Variants in TBC1D1 observed in about 807,000 individuals in gnomAD.
TBC1D1 encodes the protein TBC1 (tre-2/USP6, BUB2, cdc16) domain family, member 1.
TBC1D1 carries 89 observed loss-of-function variants against 125.6 expected under a neutral mutation model. The ratio of observed to expected loss-of-function variants is 0.71; its 90% confidence interval spans 0.60 to 0.85. TBC1D1 has a LOEUF of 0.85. Ranked by LOEUF, TBC1D1 falls within the 40% of genes least tolerant of loss-of-function variation. The pLI, the probability that TBC1D1 is intolerant of heterozygous loss-of-function variation, is 0.00. For synonymous variants in TBC1D1, 565 were observed against 564.1 expected, an observed-to-expected ratio of 1.00 and a Z score of -0.02; for missense variants, 1,377 against 1,469.2, an observed-to-expected ratio of 0.94 and a Z score of 1.03.
rs138129711 is a variant in TBC1D1 at position 38,060,303 on chromosome 4, C to T, written c.2050+5965C>T. 1.6e-4 allele frequency among the ~76,000 whole-genome samples: 24 copies of T among 152,322 alleles called. No homozygotes were observed. In the East Asian group the frequency reaches 2.5e-3, roughly 16 times the overall value. On this transcript the variant is annotated intron_variant, in intron 12 of 19. Transcript: ENST00000261439. Reference sequence around the variant, plus strand: ...CTAGATCTTTGAGGAATTGCCACACCATCTTCTACAATGTTTGAACTAATT... The same window carrying T: ...CTAGATCTTTGAGGAATTGCCACACTATCTTCTACAATGTTTGAACTAATT...
At chr4:38,125,362 A>G (rs549012259) in intron 18 of TBC1D1, among the ~76,000 whole-genome samples, 5 of 152,348 alleles carry the variant, frequency 3.3e-5, no homozygotes, top group South Asian at 2.1e-4. Context: ...GTTTAGCTGT[A>G]GAAACCAGCA....
rs1351152249 is a variant in TBC1D1 at position 38,020,659 on chromosome 4, T to C, written c.1041T>C (p.Phe347=). 3 of 1,613,190 alleles carry C rather than the reference T, an allele frequency of 1.9e-6. No individual in the cohort carries two copies. Among genetic ancestry groups the C allele is most frequent in the South Asian group, 2.2e-5 (2 of 91,086 alleles). Reference sequence around the variant, plus strand: ...CTTCCGGAGGTGGCGGCTTTCATTTTGTCTGTTACGTGTTTCAGTGCACAA... The same window carrying C: ...CTTCCGGAGGTGGCGGCTTTCATTTCGTCTGTTACGTGTTTCAGTGCACAA... The change falls in exon 5 of 20, where the codon TTT becomes TTC. Residue 347 remains phenylalanine, a synonymous_variant. Coordinates refer to ENST00000261439, the MANE Select transcript of TBC1D1 (RefSeq NM_015173.4).
At chr4:37,958,363 A>AT (rs953938941) in intron 2 of TBC1D1, among the ~76,000 whole-genome samples, 6 of 152,130 alleles carry the variant, frequency 3.9e-5, no homozygotes, top group African/African-American at 1.4e-4. Flanking sequence ...GATTCTTCAT[A>AT]TTTTTTATTT....
chr4:37,892,748 G>T (rs1317926975), intron 1 of TBC1D1, among the ~76,000 whole-genome samples: 1 of 152,182 alleles, frequency 6.6e-6, no homozygotes, highest in Non-Finnish European at 1.5e-5. Flanking sequence ...AGCATTTCTG[G>T]TTGGGTGGCA....
Position 38,110,316 on chromosome 4 carries a change from C to G in TBC1D1, c.2558-5394C>G, listed in dbSNP as rs1761997460. On this transcript the variant is annotated intron_variant, in intron 15 of 19. Transcript: ENST00000261439. The stretch of plus-strand genomic sequence containing the variant: ...CATCCCTGAGGTCACCATTCTTGAC[C>G]TGCTGCTTATTGAGTTTCTGATGCC... 3.1e-6 allele frequency: 3 copies of G among 982,412 alleles called. No homozygotes were observed. In the Admixed American group the frequency reaches 1.8e-4, roughly 60 times the overall value. 60.9% of individuals were successfully genotyped at this position (982,412 alleles called of 1,614,324 possible). A position where few individuals can be genotyped will look rare whatever the true frequency, so the allele number is the denominator to read the frequency against.
intron 6 of TBC1D1, among the ~76,000 whole-genome samples, chr4:38,023,242 T>G (rs2152438579): frequency 9.8e-6 from 1 of 101,756 alleles, no homozygotes. Context: ...GCGAGATGTC[T>G]CAAAAAAAAA....
chr4:37,986,378 A>C (rs929818200), intron 2 of TBC1D1, among the ~76,000 whole-genome samples: 1 of 152,238 alleles, frequency 6.6e-6, no homozygotes, highest in African/African-American at 2.4e-5. Flanking sequence ...TTCATCTTCA[A>C]ACTGTTTTAC....
At chr4:37,983,685 TC>T (rs1337977990) in intron 2 of TBC1D1, among the ~76,000 whole-genome samples, 3 of 152,150 alleles carry the variant, frequency 2.0e-5, no homozygotes, top group Admixed American at 6.5e-5. Context: ...ATGCACAGCA[TC>T]CCCTGTTATT....
rs1445105900 is a variant in TBC1D1, at chr4:38,052,043, G to C, written c.1910+2145G>C. The C allele has an allele frequency of 2.6e-6, 4 of 1,551,094 alleles. No individual in the cohort carries two copies. The Admixed American group carries it at 7.8e-5, about 30-fold the overall frequency. ...ATAATTCCAGTGGAGAACAAAGTGG[G>C]AATGCTGTGCCAAAGAGGTGAGCAC... is the stretch of plus-strand genomic sequence containing the variant. On this transcript the variant is annotated intron_variant, in intron 11 of 19. Coordinates refer to ENST00000261439, the MANE Select transcript of TBC1D1 (RefSeq NM_015173.4).
At chr4:38,012,471 C>T (rs1203112479) in intron 2 of TBC1D1, among the ~76,000 whole-genome samples, 1 of 152,144 alleles carries the variant, frequency 6.6e-6, no homozygotes, top group Admixed American at 6.5e-5. Context: ...GACGAGGTCT[C>T]GCCATTTTGC....
intron 2 of TBC1D1, among the ~76,000 whole-genome samples, chr4:37,984,457 G>A (rs1308851149): frequency 1.3e-5 from 2 of 152,200 alleles, no homozygotes; most frequent in Non-Finnish European, 2.9e-5. Context: ...TAATAGGTGT[G>A]TAGTGGTACC....
intron 15 of TBC1D1, among the ~76,000 whole-genome samples, chr4:38,112,775 A>C (rs1243911194): frequency 2.0e-5 from 3 of 152,202 alleles, no homozygotes; most frequent in Admixed American, 2.0e-4. Context: ...GGCTCCAGGG[A>C]CTATGGAGCA....
chr4:38,087,857 A>G (rs994166653), intron 12 of TBC1D1, among the ~76,000 whole-genome samples: 220 of 131,498 alleles, frequency 1.7e-3, no homozygotes, highest in Middle Eastern at 0.015. Flanking sequence ...AAAAAAAAAA[A>G]AAAAAGAAAA....
At chr4:38,013,749 C>T (rs1394040198) in intron 2 of TBC1D1, among the ~76,000 whole-genome samples, 1 of 152,200 alleles carries the variant, frequency 6.6e-6, no homozygotes, top group Non-Finnish European at 1.5e-5. Context: ...TCTTTTATTA[C>T]ATTCTTTTAA....
At chr4:37,965,948 T>C (rs573484633) in intron 2 of TBC1D1, among the ~76,000 whole-genome samples, 1 of 152,192 alleles carries the variant, frequency 6.6e-6, no homozygotes, top group South Asian at 2.1e-4. Flanking sequence ...GCTTTTACCA[T>C]GTTGGCCAGG....
At chr4:38,028,516 C>A (rs1375541316) in intron 7 of TBC1D1, among the ~76,000 whole-genome samples, 1 of 152,092 alleles carries the variant, frequency 6.6e-6, no homozygotes, top group East Asian at 1.9e-4. Flanking sequence ...GGGCTACATT[C>A]AGAGCCGCCC....
chr4:38,019,651 T>C (rs993383927), intron 4 of TBC1D1, among the ~76,000 whole-genome samples: 5 of 152,212 alleles, frequency 3.3e-5, no homozygotes, highest in Non-Finnish European at 7.4e-5. Flanking sequence ...GCTTTCAGAA[T>C]ACATTGATGT....
intron 2 of TBC1D1, among the ~76,000 whole-genome samples, chr4:37,976,666 G>T (rs1733149858): frequency 6.6e-6 from 1 of 150,796 alleles, no homozygotes; most frequent in Admixed American, 6.6e-5. Context: ...TTTTTTCAAC[G>T]TGGAACTCAG....
chr4:37,904,435 A>G (rs1201996867), intron 2 of TBC1D1, among the ~76,000 whole-genome samples: 3 of 152,228 alleles, frequency 2.0e-5, no homozygotes, highest in African/African-American at 7.2e-5. Context: ...GTCCAGCTCT[A>G]TATAGTATTT....
Sources: allele counts gnomAD v4.1 joint callset (sites outside exome capture counted in the v4.1 genomes callset), GRCh38; gene constraint gnomAD v4.1.1; transcripts MANE v1.5; gene names NCBI Gene and HGNC (gene_info 2026-07-23, HGNC 2026-07-21).